The following ROBO2 variants were observed in gnomAD, a reference collection of about 807,000 sequenced individuals.
The protein encoded by ROBO2 is roundabout homolog 2.
Under a neutral mutation model 160.8 loss-of-function variants are expected in ROBO2, and 53 were observed. The observed-to-expected ratio is 0.33, with a 90% CI of 0.26 to 0.41. The LOEUF is 0.41. Among genes scored for constraint, ROBO2 ranks in the 10% least tolerant of loss-of-function variants. ROBO2 has a pLI of 1.00. For synonymous variants in ROBO2, 664 were observed against 611.7 expected, an observed-to-expected ratio of 1.09 and a Z score of -1.26; for missense variants, 1,577 against 1,722.4, an observed-to-expected ratio of 0.92 and a Z score of 1.49.
At chr3:76,675,122 T>G (rs527972339) in intron 2 of ROBO2, among the ~76,000 whole-genome samples, 1 of 152,284 alleles carries the variant, frequency 6.6e-6, no homozygotes, top group Admixed American at 6.5e-5. Context: ...TTGGCTGTCT[T>G]TAGTAAAAAT....
At chr3:76,164,977 C>G (rs1398172637) in intron 2 of ROBO2, among the ~76,000 whole-genome samples, 1 of 152,166 alleles carries the variant, frequency 6.6e-6, no homozygotes, top group African/African-American at 2.4e-5. Flanking sequence ...ACTCACGGAG[C>G]TGCATAGTCT....
chr3:76,180,676 T>A (rs1448421267), intron 2 of ROBO2, among the ~76,000 whole-genome samples: 1 of 152,164 alleles, frequency 6.6e-6, no homozygotes, highest in East Asian at 1.9e-4. Flanking sequence ...CTTTTCCATT[T>A]CTTCACAACC....
exon 26 of ROBO2, chr3:77,646,374 T>C (rs2095412761): frequency 3.8e-6 from 1 of 263,320 alleles, no homozygotes; most frequent in African/African-American, 2.2e-5. Flanking sequence ...TCACTCTTTT[T>C]AGCTCTGCTC....
At chr3:76,815,191 G>A (rs2065554566) in intron 2 of ROBO2, among the ~76,000 whole-genome samples, 1 of 151,904 alleles carries the variant, frequency 6.6e-6, no homozygotes, top group African/African-American at 2.4e-5. Context: ...TTTTGTAAAG[G>A]ATCTAGCTGG....
intron 2 of ROBO2, among the ~76,000 whole-genome samples, chr3:76,836,214 A>G (rs759130473): frequency 4.6e-5 from 7 of 151,956 alleles, no homozygotes; most frequent in Non-Finnish European, 1.0e-4. Context: ...CTGGTCTACT[A>G]CTTGTTGATT....
At chr3:76,870,356 G>A (rs1367789640) in intron 2 of ROBO2, among the ~76,000 whole-genome samples, 2 of 152,148 alleles carry the variant, frequency 1.3e-5, no homozygotes, top group East Asian at 3.9e-4. Context: ...TCCAGCTCTA[G>A]AGCCTAATCA....
intron 1 of ROBO2, among the ~76,000 whole-genome samples, chr3:75,924,833 C>T (rs1288813623): frequency 6.6e-6 from 1 of 150,974 alleles, no homozygotes; most frequent in Admixed American, 6.6e-5. Context: ...GGACTACAGG[C>T]GCCTGCCACC....
At chr3:77,231,221 G>C (rs1293930835) in intron 2 of ROBO2, among the ~76,000 whole-genome samples, 2 of 151,860 alleles carry the variant, frequency 1.3e-5, no homozygotes, top group Admixed American at 6.6e-5. Flanking sequence ...AAATTAACCA[G>C]TTGTGGTGGT....
At chr3:77,016,132 A>G (rs1274187767) in intron 2 of ROBO2, among the ~76,000 whole-genome samples, 1 of 151,706 alleles carries the variant, frequency 6.6e-6, no homozygotes, top group Non-Finnish European at 1.5e-5. Context: ...GCCCGCCACC[A>G]CGCCTGGCTA....
chr3:76,571,260 G>T (rs544527078), intron 2 of ROBO2, among the ~76,000 whole-genome samples: 49 of 152,154 alleles, frequency 3.2e-4, no homozygotes, highest in Admixed American at 5.9e-4. Flanking sequence ...CTTGTTAGGA[G>T]ATAAGATTTT....
chr3:76,735,839 T>C (rs1005926800), intron 2 of ROBO2, among the ~76,000 whole-genome samples: 7 of 150,922 alleles, frequency 4.6e-5, no homozygotes, highest in African/African-American at 1.7e-4. Flanking sequence ...TTGAGTACTA[T>C]GCTCACTGTC....
intron 5 of ROBO2, among the ~76,000 whole-genome samples, chr3:77,504,322 T>A (rs1351997457): frequency 1.3e-5 from 2 of 152,136 alleles, no homozygotes; most frequent in Non-Finnish European, 2.9e-5. Context: ...GCTATATCAT[T>A]GCAATTCTTT....
intron 2 of ROBO2, among the ~76,000 whole-genome samples, chr3:76,701,473 C>A (rs2093042744): frequency 6.6e-6 from 1 of 152,014 alleles, no homozygotes; most frequent in African/African-American, 2.4e-5. Flanking sequence ...GCTACTTGAT[C>A]AGAAGAGAGG....
chr3:76,090,231 C>T (rs1331618481), intron 2 of ROBO2, among the ~76,000 whole-genome samples: 2 of 152,086 alleles, frequency 1.3e-5, no homozygotes, highest in African/African-American at 2.4e-5. Context: ...GAAATTGAGG[C>T]GGGCAGATCA....
chr3:76,787,418 T>C (rs1397220692), intron 2 of ROBO2, among the ~76,000 whole-genome samples: 1 of 150,012 alleles, frequency 6.7e-6, no homozygotes, highest in African/African-American at 2.4e-5. Context: ...ATTTGGCCCA[T>C]GGGTCATAGT....
intron 2 of ROBO2, among the ~76,000 whole-genome samples, chr3:76,895,278 T>A (rs1006174805): frequency 1.3e-5 from 2 of 152,080 alleles, no homozygotes; most frequent in Admixed American, 1.3e-4. Context: ...ATGTGCTGAC[T>A]GGTGGTACGC....
chr3:76,174,135 A>G (rs1213299244), intron 2 of ROBO2, among the ~76,000 whole-genome samples: 2 of 151,940 alleles, frequency 1.3e-5, no homozygotes, highest in African/African-American at 4.8e-5. Context: ...TTTTTTTCAT[A>G]TGGTTGTTGG....
intron 2 of ROBO2, among the ~76,000 whole-genome samples, chr3:77,160,794 G>A (rs759493806): frequency 7.9e-5 from 12 of 152,098 alleles, no homozygotes; most frequent in Admixed American, 2.6e-4. Flanking sequence ...TAATTACCCC[G>A]GAGTTACAGT....
intron 2 of ROBO2, among the ~76,000 whole-genome samples, chr3:75,990,747 G>T (rs2065543457): frequency 6.6e-6 from 1 of 152,088 alleles, no homozygotes; most frequent in South Asian, 2.1e-4. Context: ...TCTAGTCCTT[G>T]TCTTTTTCAT....
Sources: gnomAD v4.1 joint callset for allele counts (sites outside exome capture counted in the v4.1 genomes callset) on GRCh38, gnomAD v4.1.1 for gene constraint, MANE v1.5 for transcripts, NCBI Gene and HGNC (gene_info 2026-07-23, HGNC 2026-07-21) for gene names.